CHST9: variants seen among roughly 807,000 people sequenced by gnomAD.
The protein encoded by CHST9 is carbohydrate sulfotransferase 9.
Under a neutral mutation model 44.4 loss-of-function variants are expected in CHST9, and 41 were observed. The ratio of observed to expected loss-of-function variants is 0.92; its 90% CI spans 0.72 to 1.20. CHST9 has a LOEUF of 1.20. Ranked by LOEUF, CHST9 falls within the 50% of genes most tolerant of loss-of-function variation. The probability of loss-of-function intolerance (pLI) is 0.00; values close to 1 mark genes in which losing one functional copy is unlikely to be tolerated. For synonymous variants in CHST9, 171 were observed against 178.4 expected, an observed-to-expected ratio of 0.96 and a Z score of 0.33; for missense variants, 504 against 516.5, an observed-to-expected ratio of 0.98 and a Z score of 0.23.
chr18:26,969,368 C>CTGTGTGTGTG (rs1435153900), intron 4 of CHST9, among the ~76,000 whole-genome samples: 14 of 94,020 alleles, frequency 1.5e-4, no homozygotes, highest in Middle Eastern at 4.5e-3. Flanking sequence ...GATTCTCTCT[C>CTGTGTGTGTG]TCTCTCTCTG....
At chr18:27,042,607 T>C (rs9960354) in intron 3 of CHST9, among the ~76,000 whole-genome samples, 237 of 152,154 alleles carry the variant, frequency 1.6e-3, no homozygotes, top group African/African-American at 5.1e-3. Context: ...TAATTTAACC[T>C]TCCCAATCTC....
intron 2 of CHST9, among the ~76,000 whole-genome samples, chr18:27,092,267 T>C (rs1233753673): frequency 1.3e-5 from 2 of 152,238 alleles, no homozygotes; most frequent in Non-Finnish European, 2.9e-5. Context: ...GTAGTTTGTA[T>C]TTCTGTGGGA....
chr18:26,952,025 TCC>T lies in CHST9; in HGVS notation c.203-7661_203-7660del, dbSNP rs369990867. Among the ~76,000 whole-genome samples, 43 of 152,302 alleles carry T rather than the reference TCC, an allele frequency of 2.8e-4. 1 individual carries two copies. Among genetic ancestry groups the T allele is most frequent in the African/African-American group, 1.0e-3 (42 of 41,564 alleles). Reference sequence around the variant, plus strand: ...CCTGATCATATTACATGACACTCTCTCCCATTGTTAGCAATTAGGCAAGGACA... The same window carrying T: ...CCTGATCATATTACATGACACTCTCTCATTGTTAGCAATTAGGCAAGGACA... On this transcript the variant is annotated intron_variant, in intron 4 of 5. Transcript: ENST00000618847.
intron 4 of CHST9, among the ~76,000 whole-genome samples, chr18:26,970,719 C>T (rs956941810): frequency 2.0e-5 from 3 of 152,140 alleles, no homozygotes; most frequent in East Asian, 1.9e-4. Flanking sequence ...TGAGCCAATG[C>T]GCCTGGCTGA....
chr18:27,069,133 A>AT (rs2057812921), intron 2 of CHST9, among the ~76,000 whole-genome samples: 1 of 152,210 alleles, frequency 6.6e-6, no homozygotes, highest in African/African-American at 2.4e-5. Flanking sequence ...AGCAGCCAAA[A>AT]TGTAAAGTGG....
intron 4 of CHST9, among the ~76,000 whole-genome samples, chr18:26,992,351 A>G (rs944660019): frequency 1.5e-5 from 1 of 67,084 alleles, no homozygotes; most frequent in African/African-American, 3.9e-5. Context: ...AAAGGAGTTT[A>G]TAATCACTGA....
chr18:27,063,857 A>C (rs2057752791), intron 2 of CHST9, among the ~76,000 whole-genome samples: 1 of 146,550 alleles, frequency 6.8e-6, no homozygotes, highest in African/African-American at 2.5e-5. Flanking sequence ...TTGTATTCAA[A>C]TCTGGGTGAG....
chr18:27,019,666 T>C (rs937016679), intron 4 of CHST9, among the ~76,000 whole-genome samples: 5 of 130,418 alleles, frequency 3.8e-5, no homozygotes, highest in African/African-American at 5.8e-5. Flanking sequence ...CTGGTCCAAA[T>C]TGACCACTGT....
At chr18:27,130,413 G>A (rs780210691) in intron 2 of CHST9, among the ~76,000 whole-genome samples, 59 of 152,072 alleles carry the variant, frequency 3.9e-4, no homozygotes, top group African/African-American at 7.0e-4. Flanking sequence ...ATATCTTTCC[G>A]CTATAATTCT....
chr18:27,085,425 C>CA (rs369400552), intron 2 of CHST9, among the ~76,000 whole-genome samples: 1 of 151,792 alleles, frequency 6.6e-6, no homozygotes, highest in African/African-American at 2.4e-5. Flanking sequence ...AATCGACAAC[C>CA]AAAAAACAAA....
At chr18:27,097,797 A>G (rs919695689) in intron 2 of CHST9, among the ~76,000 whole-genome samples, 3 of 152,136 alleles carry the variant, frequency 2.0e-5, no homozygotes, top group Admixed American at 6.5e-5. Flanking sequence ...TGTTTTCTGC[A>G]TATGGCTAGC....
At chr18:27,158,348 T>A (rs1406137384) in intron 1 of CHST9, among the ~76,000 whole-genome samples, 1 of 148,000 alleles carries the variant, frequency 6.8e-6, no homozygotes, top group East Asian at 2.1e-4. Flanking sequence ...AGTAAGAACA[T>A]GCAGTGTTTG....
chr18:27,106,750 TTC>T (rs1028717353), intron 2 of CHST9, among the ~76,000 whole-genome samples: 25 of 152,226 alleles, frequency 1.6e-4, no homozygotes, highest in Admixed American at 8.5e-4. Context: ...TCATATAATT[TTC>T]TTTCTTAATT....
At chr18:26,994,044 C>G (rs1440665977) in intron 4 of CHST9, among the ~76,000 whole-genome samples, 2 of 152,150 alleles carry the variant, frequency 1.3e-5, no homozygotes, top group Non-Finnish European at 2.9e-5. Context: ...TCTTTGTGTT[C>G]AAATTGCCTC....
intron 3 of CHST9, among the ~76,000 whole-genome samples, chr18:27,024,908 C>T (rs996063498): frequency 1.3e-5 from 2 of 152,000 alleles, no homozygotes; most frequent in African/African-American, 4.8e-5. Context: ...TAGTATATTT[C>T]TTCTGGCCTA....
At chr18:27,128,036 G>A (rs1234679430) in intron 2 of CHST9, among the ~76,000 whole-genome samples, 1 of 152,132 alleles carries the variant, frequency 6.6e-6, no homozygotes, top group Non-Finnish European at 1.5e-5. Flanking sequence ...AAAAAGCTCA[G>A]TAGAGAACTT....
chr18:26,958,166 G>A (rs142374146), intron 4 of CHST9, among the ~76,000 whole-genome samples: 140 of 152,050 alleles, frequency 9.2e-4, no homozygotes, highest in African/African-American at 3.0e-3. Context: ...GATTACAGGC[G>A]TGAGCCACTG....
chr18:27,148,532 T>A (rs913173541), intron 1 of CHST9, among the ~76,000 whole-genome samples: 67 of 149,564 alleles, frequency 4.5e-4, no homozygotes, highest in African/African-American at 1.5e-3. Context: ...CTTGTGATAG[T>A]TTGCTGAGAA....
chr18:26,969,304 G>A (rs1432718023), intron 4 of CHST9, among the ~76,000 whole-genome samples: 1 of 151,750 alleles, frequency 6.6e-6, no homozygotes, highest in East Asian at 1.9e-4. Context: ...GCCTGGCCAC[G>A]AATTTATGCA....
Sources: gnomAD v4.1 joint callset for allele counts (sites outside exome capture counted in the v4.1 genomes callset) on GRCh38, gnomAD v4.1.1 for gene constraint, MANE v1.5 for transcripts, NCBI Gene and HGNC (gene_info 2026-07-23, HGNC 2026-07-21) for gene names.